The following RNF170 variants were observed in gnomAD, a reference collection of about 807,000 sequenced individuals.
The protein encoded by RNF170 is ring finger protein 170.
RNF170 carries 12 observed loss-of-function variants against 32.7 expected under a neutral mutation model. The ratio of observed to expected loss-of-function variants is 0.37; its 90% CI spans 0.24 to 0.60. The LOEUF (loss-of-function observed/expected upper bound fraction) is 0.60, where lower values mean the gene tolerates loss of function less well. RNF170 is among the 20% of genes least tolerant of loss of function. The pLI, the probability that RNF170 is intolerant of heterozygous loss-of-function variation, is 0.72. For missense variants in RNF170, 212 were observed against 311.2 expected (o/e 0.68, Z 2.40); for synonymous variants, 91 against 103.6 (o/e 0.88, Z 0.74).
intron 5 of RNF170, among the ~76,000 whole-genome samples, chr8:42,863,607 A>G (rs948209605): frequency 6.6e-6 from 1 of 152,104 alleles, no homozygotes; most frequent in Non-Finnish European, 1.5e-5. Flanking sequence ...ATGCGCAGCT[A>G]ATTTTTGTAT....
At chr8:42,862,180 G>A (rs998553127) in intron 5 of RNF170, among the ~76,000 whole-genome samples, 1 of 152,122 alleles carries the variant, frequency 6.6e-6, no homozygotes, top group Non-Finnish European at 1.5e-5. Context: ...CATTCAGGAG[G>A]AAAGTGACAT....
downstream of RNF170, among the ~76,000 whole-genome samples, chr8:42,851,153 G>T (rs1586464235): frequency 6.6e-6 from 1 of 152,096 alleles, no homozygotes; most frequent in East Asian, 1.9e-4. Flanking sequence ...CCCCCATTGG[G>T]CTCCTGGACA....
downstream of RNF170, chr8:42,850,852 G>A (rs1340820692): frequency 6.4e-7 from 1 of 1,551,614 alleles, no homozygotes; most frequent in Admixed American, 2.0e-5. Context: ...ACGTGGTGAG[G>A]CTGAAGGGAG....
At position 42,855,265 on chromosome 8, in the gene RNF170, T is replaced by C. The variant is rs777939723; in HGVS notation, c.*894A>G. 2 of 1,251,186 alleles carry C rather than the reference T, an allele frequency of 1.6e-6. No individual in the cohort carries two copies. The highest frequency in any genetic ancestry group is 1.3e-5 in the South Asian group (1 of 79,446). 77.5% of individuals were successfully genotyped at this position (1,251,186 alleles called of 1,614,324 possible). A position where few individuals can be genotyped will look rare whatever the true frequency, so the allele number is the denominator to read the frequency against. On this transcript the variant is annotated 3_prime_UTR_variant, in exon 7 of 7. Coordinates refer to ENST00000527424, the MANE Select transcript of RNF170 (RefSeq NM_030954.4). ...TTTTTTTTGAGAGGGAGTCTCACTC[T>C]GTTGCCCAGGCTGGAGTGCAGTGGC...
chr8:42,896,983 C>G (rs946282288), upstream of RNF170: 7 of 478,922 alleles, frequency 1.5e-5, no homozygotes, highest in East Asian at 1.1e-4. Context: ...GGTGCGGAGC[C>G]GCTGCCAGCG....
At chr8:42,849,741 T>C (rs1324430772), downstream of RNF170, 3 of 152,250 alleles carry the variant, frequency 2.0e-5, no homozygotes, top group Non-Finnish European at 2.9e-5. Flanking sequence ...ATGGATAACA[T>C]TGTGAACTGA....
intron 6 of RNF170, among the ~76,000 whole-genome samples, chr8:42,859,821 G>A (rs572167364): frequency 6.6e-6 from 1 of 152,036 alleles, no homozygotes; most frequent in Non-Finnish European, 1.5e-5. Flanking sequence ...ACTAATTTTT[G>A]TATTTTTTGG....
rs1269227115 is a variant in RNF170, at chr8:42,853,899, AACTCCAAATATT to A, written c.*2248_*2259del. ...CCTCTTTCAGGAAAGTCTTAGTAGTAACTCCAAATATTATAATTATTGTAACCAGAATTGTGA... is the reference window on the plus strand; with the variant it reads ...CCTCTTTCAGGAAAGTCTTAGTAGTAATAATTATTGTAACCAGAATTGTGA... On this transcript the variant is annotated 3_prime_UTR_variant, in exon 7 of 7. Coordinates refer to ENST00000527424, the MANE Select transcript of RNF170 (RefSeq NM_030954.4). The A allele has an allele frequency of 1.6e-6, 2 of 1,286,916 alleles. No individual in the cohort carries two copies. The highest frequency in any genetic ancestry group is 2.0e-6 in the Non-Finnish European group (2 of 988,516). 79.7% of individuals were successfully genotyped at this position (1,286,916 alleles called of 1,614,324 possible).
chr8:42,894,198 C>T (rs1164571588), intron 1 of RNF170, among the ~76,000 whole-genome samples: 1 of 152,158 alleles, frequency 6.6e-6, no homozygotes, highest in African/African-American at 2.4e-5. Flanking sequence ...TCCAGAACAA[C>T]GTAACATCAT....
At chr8:42,858,913 T>G (rs1042329963) in intron 6 of RNF170, among the ~76,000 whole-genome samples, 2 of 152,216 alleles carry the variant, frequency 1.3e-5, no homozygotes, top group Non-Finnish European at 2.9e-5. Context: ...CCACAAGTGG[T>G]GGCTCATGCC....
rs969723901 is a variant in RNF170, at chr8:42,876,971, T to G, written c.138-2965A>C. Reference sequence around the variant, plus strand: ...TGCCCGGACTTTTTTTTTTTTTTTTTGAGACAGAGTCTTGTTCTGTCGTCC... The same window carrying G: ...TGCCCGGACTTTTTTTTTTTTTTTTGGAGACAGAGTCTTGTTCTGTCGTCC... On this transcript the variant is annotated intron_variant, in intron 2 of 6. Coordinates refer to ENST00000527424, the MANE Select transcript of RNF170 (RefSeq NM_030954.4). Among the ~76,000 whole-genome samples, 17 of 145,986 alleles carry G rather than the reference T, an allele frequency of 1.2e-4. No individual in the cohort carries two copies. In the East Asian group the frequency reaches 3.2e-3, roughly 28 times the overall value.
chr8:42,876,657 GTTTTT>G (rs541650996), intron 2 of RNF170, among the ~76,000 whole-genome samples: 2 of 123,030 alleles, frequency 1.6e-5, no homozygotes, highest in African/African-American at 6.4e-5. Context: ...TTTTTTGTGG[GTTTTT>G]TTTTTTTTTT....
chr8:42,871,156 G>T (rs1466951468), intron 3 of RNF170, among the ~76,000 whole-genome samples: 1 of 150,862 alleles, frequency 6.6e-6, no homozygotes, highest in Non-Finnish European at 1.5e-5. Flanking sequence ...ACTGCAATGA[G>T]CCGAGATCAC....
At chr8:42,870,150 CAT>C (rs1343024555) in intron 3 of RNF170, 38 bp from the exon 4 acceptor site, 5 of 1,407,022 alleles carry the variant, frequency 3.6e-6, no homozygotes, top group African/African-American at 2.8e-5. Flanking sequence ...GAACACAACA[CAT>C]GTGGCCCTCA....
chr8:42,866,599 A>C (rs1012594150), intron 4 of RNF170, among the ~76,000 whole-genome samples: 5 of 152,162 alleles, frequency 3.3e-5, no homozygotes, highest in African/African-American at 9.6e-5. Context: ...AAAAAAAAAA[A>C]CTAGTACAAG....
chr8:42,858,880 T>C (rs921404950), intron 6 of RNF170, among the ~76,000 whole-genome samples: 1 of 151,316 alleles, frequency 6.6e-6, no homozygotes, highest in Non-Finnish European at 1.5e-5. Flanking sequence ...CAGTAAGGAG[T>C]TGGAACATTC....
chr8:42,865,237 T>A (rs1009326240), intron 5 of RNF170, among the ~76,000 whole-genome samples, 179 bp downstream of exon 5: 1 of 149,602 alleles, frequency 6.7e-6, no homozygotes, highest in African/African-American at 2.5e-5. Flanking sequence ...AAGACCTTTT[T>A]TCAAAAAAAA....
intron 6 of RNF170, among the ~76,000 whole-genome samples, chr8:42,858,708 A>C (rs1198490011): frequency 6.6e-6 from 1 of 152,228 alleles, no homozygotes; most frequent in African/African-American, 2.4e-5. Context: ...AAGGACAAGC[A>C]TTCCATGCAG....
At chr8:42,887,182 T>C (rs975120779) in intron 2 of RNF170, among the ~76,000 whole-genome samples, 1 of 152,004 alleles carries the variant, frequency 6.6e-6, no homozygotes, top group Admixed American at 6.6e-5. Context: ...ATCCCAGCTA[T>C]TTGGGAGGCT....
Sources: allele counts gnomAD v4.1 joint callset (sites outside exome capture counted in the v4.1 genomes callset), GRCh38; gene constraint gnomAD v4.1.1; transcripts MANE v1.5; gene names NCBI Gene and HGNC (gene_info 2026-07-23, HGNC 2026-07-21).